Variants in WAPL observed in about 807,000 individuals in gnomAD.
The protein encoded by WAPL is WAPL cohesin release factor.
WAPL carries 5 observed loss-of-function variants against 121.0 expected under a neutral mutation model. The ratio of observed to expected loss-of-function variants is 0.04; its 90% CI spans 0.02 to 0.09. The LOEUF (loss-of-function observed/expected upper bound fraction) is 0.09, where lower values mean the gene tolerates loss of function less well. WAPL is among the 10% of genes least tolerant of loss of function. The pLI is 1.00. For missense variants in WAPL, 999 were observed against 1,410.8 expected (o/e 0.71, Z 4.68); for synonymous variants, 480 against 481.5 (o/e 1.00, Z 0.04).
intron 8 of WAPL, among the ~76,000 whole-genome samples, chr10:86,469,206 A>C (rs1841473618): frequency 3.8e-5 from 2 of 53,302 alleles, no homozygotes; most frequent in South Asian, 1.5e-3. Flanking sequence ...AGGATCGCTT[A>C]ATAAAATAAA....
intron 18 of WAPL, 123 bp downstream of exon 18, chr10:86,437,797 C>T (rs1392999368): frequency 1.2e-5 from 12 of 972,632 alleles, no homozygotes; most frequent in Non-Finnish European, 1.4e-5. Context: ...AAATAGAACA[C>T]GATTATTAAA....
intron 4 of WAPL, among the ~76,000 whole-genome samples, chr10:86,495,600 T>C (rs1305057655): frequency 6.6e-6 from 1 of 152,132 alleles, no homozygotes; most frequent in East Asian, 1.9e-4. Flanking sequence ...CAAAAATGTA[T>C]GTAACACTGG....
At chr10:86,488,020 A>G (rs1364740932) in intron 4 of WAPL, among the ~76,000 whole-genome samples, 2 of 152,230 alleles carry the variant, frequency 1.3e-5, no homozygotes, top group Non-Finnish European at 2.9e-5. Flanking sequence ...GATGGTCAGC[A>G]TAGTCAAGAA....
intron 4 of WAPL, among the ~76,000 whole-genome samples, chr10:86,481,086 A>C (rs969271710): frequency 6.6e-6 from 1 of 152,228 alleles, no homozygotes; most frequent in Non-Finnish European, 1.5e-5. Context: ...AACAAATAAT[A>C]ACAGGACATG....
chr10:86,500,833 A>G, intron 2 of WAPL, 90 bp from the exon 3 acceptor site: 3 of 1,084,916 alleles, frequency 2.8e-6, no homozygotes, highest in Non-Finnish European at 3.8e-6. Flanking sequence ...ATAGTATATG[A>G]TCAATCTTGG....
At chr10:86,502,844 C>T (rs894922226) in intron 2 of WAPL, among the ~76,000 whole-genome samples, 6 of 152,188 alleles carry the variant, frequency 3.9e-5, no homozygotes, top group Non-Finnish European at 5.9e-5. Flanking sequence ...TATTACACTA[C>T]GTCTAGTGGT....
At chr10:86,468,730 A>G (rs6586015) in intron 8 of WAPL, among the ~76,000 whole-genome samples, 146,079 of 151,908 alleles carry the variant, frequency 0.96, 70,377 homozygotes, top group East Asian at 1. Context: ...TTGGGAGGCC[A>G]AGGTGGGCAG....
At chr10:86,450,639 T>C (rs1272853592) in intron 15 of WAPL, among the ~76,000 whole-genome samples, 2 of 152,198 alleles carry the variant, frequency 1.3e-5, no homozygotes, top group Admixed American at 1.3e-4. Flanking sequence ...AATCTCTAAA[T>C]GGTATCTGGA....
At chr10:86,458,736 C>T (rs1336033105) in intron 12 of WAPL, among the ~76,000 whole-genome samples, 14 of 151,918 alleles carry the variant, frequency 9.2e-5, no homozygotes, top group Non-Finnish European at 2.1e-4. Context: ...CTATTATTAT[C>T]CCCCTTGTAA....
At chr10:86,469,254 T>TAAATCAGCACCCTCTAC (rs1564571374) in intron 8 of WAPL, among the ~76,000 whole-genome samples, 1 of 3,884 alleles carries the variant, frequency 2.6e-4, no homozygotes, top group African/African-American at 3.2e-4. Context: ...TTTTTTTTTT[T>TAAATCAGCACCCTCTAC]TTTTTTTTTT....
intron 8 of WAPL, among the ~76,000 whole-genome samples, chr10:86,468,026 G>A (rs760392993): frequency 6.6e-6 from 1 of 151,828 alleles, no homozygotes; most frequent in Non-Finnish European, 1.5e-5. Context: ...ATAAAATGCT[G>A]TTGCTTAAAA....
At chr10:86,500,888 A>G (rs1239628737) in intron 2 of WAPL, 145 bp from the exon 3 acceptor site, 2 of 746,232 alleles carry the variant, frequency 2.7e-6, no homozygotes, top group East Asian at 2.8e-5. Flanking sequence ...TAACATTTAC[A>G]TATCAGACAT....
intron 4 of WAPL, among the ~76,000 whole-genome samples, chr10:86,476,102 A>G (rs1346734425): frequency 6.6e-6 from 1 of 152,240 alleles, no homozygotes; most frequent in Non-Finnish European, 1.5e-5. Flanking sequence ...ACGGTGGCTT[A>G]CGCCTGTAAT....
intron 2 of WAPL, among the ~76,000 whole-genome samples, chr10:86,505,118 T>C (rs1221633326): frequency 6.6e-6 from 1 of 151,778 alleles, no homozygotes; most frequent in Non-Finnish European, 1.5e-5. Flanking sequence ...TAAAACAGTT[T>C]AGAGCACTAC....
In WAPL at chr10:86,517,910, C is replaced by G; in HGVS notation, c.160G>C (p.Asp54His). ...GGTTTCTTCGGAATTTCTTGGATATCTGGTTTGAAATTGGGCCTCTTCTGC... is the reference window on the plus strand; with the variant it reads ...GGTTTCTTCGGAATTTCTTGGATATGTGGTTTGAAATTGGGCCTCTTCTGC... The part of the protein sequence containing the change: ...LGQKRPNFKP[D>H]IQEIPKKPKV... The change falls in exon 2 of 19, where the codon GAT becomes CAT. Residue 54 changes from aspartate to histidine, a missense_variant. By Grantham distance (81) the Asp-to-His change is moderately conservative (BLOSUM62 -1). Coordinates refer to ENST00000298767, the MANE Select transcript of WAPL (RefSeq NM_015045.5). 2 of 1,614,142 alleles carry G rather than the reference C, an allele frequency of 1.2e-6. No homozygotes were observed. Among genetic ancestry groups the G allele is most frequent in the Non-Finnish European group, 1.7e-6 (2 of 1,180,020 alleles).
chr10:86,452,616 C>T (rs1190588581), intron 14 of WAPL, among the ~76,000 whole-genome samples: 1 of 151,602 alleles, frequency 6.6e-6, no homozygotes, highest in East Asian at 1.9e-4. Flanking sequence ...AAAAAAAGAA[C>T]AAAAAAAACA....
intron 17 of WAPL, among the ~76,000 whole-genome samples, chr10:86,440,293 C>G (rs1393357547): frequency 6.9e-6 from 1 of 144,606 alleles, no homozygotes; most frequent in Non-Finnish European, 1.5e-5. Context: ...ATTTTCATTG[C>G]TTTTTTTTTT....
chr10:86,482,311 G>A (rs1841808129), intron 4 of WAPL, among the ~76,000 whole-genome samples: 1 of 152,160 alleles, frequency 6.6e-6, no homozygotes. Flanking sequence ...GATTATGTGT[G>A]AATTCATGAT....
Position 86,517,902 on chromosome 10 carries a change from T to C in WAPL, c.168A>G (p.Gln56=). Residue 56 remains glutamine, a synonymous_variant, in exon 2 of 19, where the codon CAA becomes CAG. Transcript: ENST00000298767. ...CCACTTTAGGTTTCTTCGGAATTTC[T>C]TGGATATCTGGTTTGAAATTGGGCC... ...QKRPNFKPDI[Q]EIPKKPKVEE... 1.2e-6 allele frequency: 2 copies of C among 1,614,156 alleles called. No individual in the cohort carries two copies. Among genetic ancestry groups the C allele is most frequent in the Non-Finnish European group, 8.5e-7 (1 of 1,180,010 alleles).
Sources: allele counts gnomAD v4.1 joint callset (sites outside exome capture counted in the v4.1 genomes callset), GRCh38; gene constraint gnomAD v4.1.1; transcripts MANE v1.5; gene names NCBI Gene and HGNC (gene_info 2026-07-23, HGNC 2026-07-21).